UBE2R2: variants seen among roughly 807,000 people sequenced by gnomAD.
UBE2R2 encodes ubiquitin-conjugating enzyme E2 R2.
In UBE2R2, 1 loss-of-function variant was observed where a neutral mutation model predicts 27.8. The ratio of observed to expected loss-of-function variants is 0.04; its 90% CI spans 0.01 to 0.17. The LOEUF (loss-of-function observed/expected upper bound fraction) is 0.17. Among genes scored for constraint, UBE2R2 ranks in the 10% least tolerant of loss-of-function variants. The pLI, the probability that UBE2R2 is intolerant of heterozygous loss-of-function variation, is 1.00. For missense variants in UBE2R2, 100 were observed against 291.0 expected (o/e 0.34, Z 4.78); for synonymous variants, 106 against 113.3 (o/e 0.94, Z 0.41).
chr9:33,831,953 G>C (rs1000907102), intron 1 of UBE2R2, among the ~76,000 whole-genome samples: 1 of 149,730 alleles, frequency 6.7e-6, no homozygotes, highest in Non-Finnish European at 1.5e-5. Flanking sequence ...GTGCCACCGC[G>C]CCCGACCTGT....
intron 3 of UBE2R2, among the ~76,000 whole-genome samples, chr9:33,910,464 C>T (rs773668964): frequency 1.6e-4 from 25 of 152,072 alleles, no homozygotes; most frequent in Non-Finnish European, 3.1e-4. Context: ...TGCTTTCTAA[C>T]ATAAACTTTA....
At chr9:33,916,746 G>A (rs375721684) in intron 4 of UBE2R2, among the ~76,000 whole-genome samples, 2 of 152,176 alleles carry the variant, frequency 1.3e-5, no homozygotes, top group East Asian at 1.9e-4. Context: ...GCCAGTTGAC[G>A]AGGTGATTCT....
chr9:33,876,914 AAAAACAAAT>A (rs992873843), intron 1 of UBE2R2, among the ~76,000 whole-genome samples: 9 of 151,858 alleles, frequency 5.9e-5, no homozygotes, highest in Admixed American at 2.6e-4. Context: ...ACTCCATCTA[AAAAACAAAT>A]AAAATAAATA....
intron 1 of UBE2R2, among the ~76,000 whole-genome samples, chr9:33,836,695 T>G (rs1820620525): frequency 6.6e-6 from 1 of 151,680 alleles, no homozygotes; most frequent in African/African-American, 2.4e-5. Flanking sequence ...AGGCAGAGGA[T>G]GCAGTGAGCC....
chr9:33,855,333 G>C (rs1821077647), intron 1 of UBE2R2, among the ~76,000 whole-genome samples: 1 of 152,106 alleles, frequency 6.6e-6, no homozygotes, highest in South Asian at 2.1e-4. Context: ...GATGGACCAA[G>C]AACTTAAAAT....
At chr9:33,816,479 C>T (rs1232056886), upstream of UBE2R2, among the ~76,000 whole-genome samples, 2 of 152,202 alleles carry the variant, frequency 1.3e-5, no homozygotes, top group Non-Finnish European at 2.9e-5. Context: ...GCTAGAGACC[C>T]AGTTTGTTAT....
intron 1 of UBE2R2, among the ~76,000 whole-genome samples, chr9:33,865,540 TTTG>T (rs1363357607): frequency 6.6e-6 from 1 of 152,142 alleles, no homozygotes; most frequent in African/African-American, 2.4e-5. Flanking sequence ...AAATTTCTAG[TTTG>T]TTGTTAACTA....
intron 1 of UBE2R2, among the ~76,000 whole-genome samples, chr9:33,833,637 T>C (rs1188930704): frequency 6.6e-6 from 1 of 152,246 alleles, no homozygotes; most frequent in Non-Finnish European, 1.5e-5. Flanking sequence ...TTATTTTGAT[T>C]GTGGTGAATC....
At chr9:33,829,672 T>A (rs997322261) in intron 1 of UBE2R2, among the ~76,000 whole-genome samples, 1 of 152,172 alleles carries the variant, frequency 6.6e-6, no homozygotes, top group African/African-American at 2.4e-5. Flanking sequence ...ATTTTCCAAG[T>A]ATATTTAAGC....
chr9:33,847,187 A>C (rs974670473), intron 1 of UBE2R2, among the ~76,000 whole-genome samples: 1 of 151,704 alleles, frequency 6.6e-6, no homozygotes, highest in Non-Finnish European at 1.5e-5. Context: ...AACCCCTGCC[A>C]CCCGAATTCA....
At chr9:33,885,083 C>T (rs557766324) in intron 1 of UBE2R2, among the ~76,000 whole-genome samples, 3 of 152,302 alleles carry the variant, frequency 2.0e-5, no homozygotes, top group East Asian at 1.9e-4. Flanking sequence ...TAGAGAGGCT[C>T]TGCGTATGTG....
intron 3 of UBE2R2, among the ~76,000 whole-genome samples, chr9:33,906,141 G>GTTGTTTTA (rs1822352363): frequency 7.2e-6 from 1 of 138,350 alleles, no homozygotes; most frequent in Non-Finnish European, 1.6e-5. Context: ...TTGTTGTTTT[G>GTTGTTTTA]AAATGGAGTT....
At chr9:33,824,501 T>TGGTG (rs1332369252) in intron 1 of UBE2R2, among the ~76,000 whole-genome samples, 1 of 152,016 alleles carries the variant, frequency 6.6e-6, no homozygotes, top group Non-Finnish European at 1.5e-5. Flanking sequence ...TAGCCAGGCA[T>TGGTG]GGTGGTAGGC....
Position 33,857,755 on chromosome 9 carries a change from A to G in UBE2R2, c.178-29126A>G, listed in dbSNP as rs887977923. Among the ~76,000 whole-genome samples, 5 of 152,338 alleles carry G rather than the reference A, an allele frequency of 3.3e-5. No individual in the cohort carries two copies. The East Asian group carries it at 7.7e-4, about 23-fold the overall frequency. ...TGAAAGAGTGGCTGATTAGACTGGC[A>G]TGGTTAACCTTTATGCTTTTAAGTA... On this transcript the variant is annotated intron_variant, in intron 1 of 4. Transcript: ENST00000263228.
At chr9:33,843,665 G>C (rs550457978) in intron 1 of UBE2R2, among the ~76,000 whole-genome samples, 14 of 152,016 alleles carry the variant, frequency 9.2e-5, no homozygotes, top group Admixed American at 2.0e-4. Context: ...TTTTGGTAGA[G>C]ATGGGGTTTC....
chr9:33,839,566 C>G (rs908946282), intron 1 of UBE2R2, among the ~76,000 whole-genome samples: 4 of 152,082 alleles, frequency 2.6e-5, no homozygotes, highest in South Asian at 2.1e-4. Flanking sequence ...GACAGAGGCC[C>G]CAGAGAGCTA....
intron 1 of UBE2R2, among the ~76,000 whole-genome samples, chr9:33,882,150 A>G (rs1156980958): frequency 6.6e-6 from 1 of 151,876 alleles, no homozygotes; most frequent in African/African-American, 2.4e-5. Context: ...AAATACTCCA[A>G]TTTGTTTTCT....
chr9:33,828,879 G>A (rs143498571), intron 1 of UBE2R2, among the ~76,000 whole-genome samples: 17 of 152,218 alleles, frequency 1.1e-4, no homozygotes, highest in African/African-American at 2.4e-4. Flanking sequence ...GATTATAGGC[G>A]CACGCTGCCA....
chr9:33,882,194 T>G (rs1821744328), intron 1 of UBE2R2, among the ~76,000 whole-genome samples: 2 of 152,230 alleles, frequency 1.3e-5, no homozygotes, highest in South Asian at 4.1e-4. Context: ...TAAGATGCTC[T>G]AGGCTTGTCT....
Sources: allele counts gnomAD v4.1 joint callset (sites outside exome capture counted in the v4.1 genomes callset), GRCh38; gene constraint gnomAD v4.1.1; transcripts MANE v1.5; gene names NCBI Gene and HGNC (gene_info 2026-07-23, HGNC 2026-07-21).